PKD1L3: variants seen among roughly 807,000 people sequenced by gnomAD.
The protein encoded by PKD1L3 is polycystin 1 like 3, transient receptor potential channel interacting.
In PKD1L3, 239 loss-of-function variants were observed where a neutral mutation model predicts 184.1. The ratio of observed to expected loss-of-function variants is 1.30; its 90% CI spans 1.17 to 1.45. PKD1L3 has a LOEUF of 1.45. Among genes scored for constraint, PKD1L3 ranks in the 40% most tolerant of loss-of-function variants. The probability of loss-of-function intolerance (pLI) is 0.00; values close to 1 mark genes in which losing one functional copy is unlikely to be tolerated. For synonymous variants in PKD1L3, 996 were observed against 778.8 expected (o/e 1.28, Z -4.64); for missense variants, 2,660 against 2,067.2 (o/e 1.29, Z -5.56).
intron 6 of PKD1L3, among the ~76,000 whole-genome samples, chr16:71,983,641 G>A (rs1449556648): frequency 1.4e-5 from 2 of 142,364 alleles, no homozygotes; most frequent in African/African-American, 5.2e-5. Flanking sequence ...TTGGCATAAG[G>A]CACAATCTCC....
chr16:71,945,339 CACAT>C (rs1179169871), intron 22 of PKD1L3, among the ~76,000 whole-genome samples: 8 of 109,690 alleles, frequency 7.3e-5, no homozygotes, highest in South Asian at 6.9e-4. Context: ...CACACACACA[CACAT>C]ATATTTATAT....
Position 71,930,188 on chromosome 16 carries a change from G to A in PKD1L3, c.4927-5C>T, listed in dbSNP as rs567190457. The A allele has an allele frequency of 1.0e-5, 16 of 1,539,026 alleles. No individual in the cohort carries two copies. In the South Asian group the frequency reaches 1.7e-4, roughly 16 times the overall value. On this transcript the variant is annotated splice_polypyrimidine_tract_variant and splice_region_variant and intron_variant, in intron 28 of 29. Coordinates refer to ENST00000620267, the MANE Select transcript of PKD1L3 (RefSeq NM_181536.2). Reference sequence around the variant, plus strand: ...GACTGGGTCTAAAGCGAAAACCTGGGAAAACAATAAGAACACTTGCAGTGA... The same window carrying A: ...GACTGGGTCTAAAGCGAAAACCTGGAAAAACAATAAGAACACTTGCAGTGA...
intron 2 of PKD1L3, among the ~76,000 whole-genome samples, chr16:71,995,750 C>G (rs1434515079): frequency 6.6e-6 from 1 of 152,114 alleles, no homozygotes; most frequent in African/African-American, 2.4e-5. Context: ...GGATAGATTC[C>G]TAGCAGTGGA....
Position 71,998,276 on chromosome 16 carries a change from C to T in PKD1L3, c.414G>A (p.Gln138=). Residue 138 remains glutamine (Q), a synonymous_variant, in exon 2 of 30, where the codon CAG becomes CAA. Transcript: ENST00000620267. The part of the protein sequence containing the change: ...KCLLKYYFIC[Q]TGDFLDGDAH... ...GCATGTAGCTTTATCACTTACCAGT[C>T]TGGCAAATGAAATAGTATTTCAGTA... 1 of 1,551,948 alleles carries T rather than the reference C, an allele frequency of 6.4e-7. No homozygotes were observed. Among genetic ancestry groups the T allele is most frequent in the Non-Finnish European group, 8.7e-7 (1 of 1,147,022 alleles).
chr16:71,995,323 A>C (rs1231440607), intron 2 of PKD1L3, among the ~76,000 whole-genome samples: 1 of 152,228 alleles, frequency 6.6e-6, no homozygotes, highest in Non-Finnish European at 1.5e-5. Flanking sequence ...CTGTTTTGGA[A>C]GGGGCACATT....
intron 3 of PKD1L3, among the ~76,000 whole-genome samples, chr16:71,993,015 A>G (rs1171462941): frequency 6.6e-6 from 1 of 152,230 alleles, no homozygotes; most frequent in Non-Finnish European, 1.5e-5. Context: ...ATATATGAAA[A>G]GACGGCGGCC....
chr16:71,964,146 A>G (rs1196062167), intron 15 of PKD1L3, among the ~76,000 whole-genome samples: 2 of 151,874 alleles, frequency 1.3e-5, no homozygotes, highest in East Asian at 3.9e-4. Flanking sequence ...TTCTCTGCTA[A>G]CTTCAGCCGT....
In PKD1L3 at chr16:71,954,153, C is replaced by T. The variant is rs1388093740; in HGVS notation, c.2761G>A (p.Val921Ile). The T allele has an allele frequency of 1.3e-6, 2 of 1,550,670 alleles. No homozygotes were observed. Among genetic ancestry groups the T allele is most frequent in the East Asian group, 2.5e-5 (1 of 40,786 alleles). ...GTGCTGTTTATCTTCCAGAACATAACATTGATGACCATGTTGCAGAGTAGC... is the reference window on the plus strand; with the variant it reads ...GTGCTGTTTATCTTCCAGAACATAATATTGATGACCATGTTGCAGAGTAGC... The part of the protein sequence containing the change: ...TLLLCNMVIN[V>I]MFWKINSTTA... Residue 921 changes from valine to isoleucine, a missense_variant, in exon 17 of 30, where the codon GTT (valine) becomes ATT (isoleucine). Val to Ile is a conservative substitution (Grantham distance 29). Transcript: ENST00000620267.
chr16:71,945,295 TATATATATATACAC>T (rs1420558170), intron 22 of PKD1L3, among the ~76,000 whole-genome samples: 3 of 68,346 alleles, frequency 4.4e-5, no homozygotes, highest in African/African-American at 2.0e-4. Flanking sequence ...TATATATATA[TATATATATATACAC>T]ACACACACAC....
chr16:71,933,776 T>TA lies in PKD1L3; in HGVS notation c.4824+138dup. 4.3e-6 allele frequency: 4 copies of TA among 921,148 alleles called. No individual in the cohort carries two copies. In the South Asian group the frequency reaches 6.6e-5, roughly 15 times the overall value. The allele number at this position is 921,148 out of a possible 1,614,324, so 57.1% of individuals were successfully genotyped here. A position where few individuals can be genotyped will look rare whatever the true frequency, so the allele number is the denominator to read the frequency against. Reference sequence around the variant, plus strand: ...ATATGTGGGTTTAAGTCATACCAGTTAAGTGTGGAACTAGATCTAAACCCG... The same window carrying TA: ...ATATGTGGGTTTAAGTCATACCAGTTAAAGTGTGGAACTAGATCTAAACCCG... On this transcript the variant is annotated intron_variant, in intron 27 of 29. Coordinates refer to ENST00000620267, the MANE Select transcript of PKD1L3 (RefSeq NM_181536.2).
intron 14 of PKD1L3, among the ~76,000 whole-genome samples, chr16:71,967,636 T>C (rs1311136917): frequency 6.6e-6 from 1 of 152,176 alleles, no homozygotes; most frequent in Non-Finnish European, 1.5e-5. Flanking sequence ...AGCTAATTTC[T>C]GCATTTTTAG....
chr16:71,984,212 C>T, intron 5 of PKD1L3, 45 bp from the exon 6 acceptor site: 1 of 1,532,708 alleles, frequency 6.5e-7, no homozygotes, highest in Non-Finnish European at 8.8e-7. Context: ...TACAAAATTA[C>T]TGTACTGTAG....
chr16:71,976,523 C>A (rs931261738), intron 11 of PKD1L3, among the ~76,000 whole-genome samples: 1 of 152,044 alleles, frequency 6.6e-6, no homozygotes, highest in African/African-American at 2.4e-5. Flanking sequence ...TCCCAAAGTG[C>A]TGGGGTTACA....
At chr16:71,964,455 C>T (rs1055617885) in intron 15 of PKD1L3, among the ~76,000 whole-genome samples, 1 of 150,394 alleles carries the variant, frequency 6.6e-6, no homozygotes, top group Non-Finnish European at 1.5e-5. Context: ...TCTCCTGCCT[C>T]AGCCTCCCAA....
Position 71,934,062 on chromosome 16 carries a change from C to T in PKD1L3, c.4677G>A (p.Pro1559=), listed in dbSNP as rs370227080. 539 of 1,551,906 alleles carry T rather than the reference C, an allele frequency of 3.5e-4. 2 individuals are homozygous for T. The African/African-American group carries it at 6.2e-3, about 18-fold the overall frequency. ...ATAACTGAACAGTTGCCAGGAGAAC[C>T]GGGAAGCCCACAAGGTGAGTCGCAG... ...NSAATHLVGF[P]VLLATVQLWN... Residue 1559 remains proline (P), a synonymous_variant, in exon 27 of 30, where the codon CCG becomes CCA. Coordinates refer to ENST00000620267, the MANE Select transcript of PKD1L3 (RefSeq NM_181536.2).
chr16:71,969,664 T>A (rs1226928235), intron 13 of PKD1L3, among the ~76,000 whole-genome samples: 1 of 150,380 alleles, frequency 6.6e-6, no homozygotes, highest in Non-Finnish European at 1.5e-5. Flanking sequence ...CAAGGTCCAA[T>A]CTTGGAACCA....
At chr16:71,969,720 C>T (rs1239717133) in intron 13 of PKD1L3, among the ~76,000 whole-genome samples, 155 bp downstream of exon 13, 2 of 152,130 alleles carry the variant, frequency 1.3e-5, no homozygotes, top group Non-Finnish European at 2.9e-5. Flanking sequence ...CTTGAGTCAG[C>T]AGACACGAAG....
At position 71,929,696 on chromosome 16, in the gene PKD1L3, AAAGAG is replaced by A. The variant is rs774232060; in HGVS notation, c.5059-23_5059-19del. 14 of 1,514,340 alleles carry A rather than the reference AAAGAG, an allele frequency of 9.2e-6. No homozygotes were observed. In the Admixed American group the frequency reaches 2.2e-4, roughly 24 times the overall value. 93.8% of individuals were successfully genotyped at this position (1,514,340 alleles called of 1,614,324 possible). A position where few individuals can be genotyped will look rare whatever the true frequency, so the allele number is the denominator to read the frequency against. On this transcript the variant is annotated intron_variant, in intron 29 of 29. Transcript: ENST00000620267. ...GCTTCTTTCTGAGTATTGAAGACAA[AAAGAG>A]AAAAGTGAGAAAATTGAAATTACTG...
At chr16:71,968,746 C>A (rs774284663) in intron 13 of PKD1L3, among the ~76,000 whole-genome samples, 53 of 152,140 alleles carry the variant, frequency 3.5e-4, no homozygotes, top group South Asian at 1.0e-3. Flanking sequence ...CAGACATGCA[C>A]CACCACAGCC....
Sources: allele counts gnomAD v4.1 joint callset (sites outside exome capture counted in the v4.1 genomes callset), GRCh38; gene constraint gnomAD v4.1.1; transcripts MANE v1.5; gene names NCBI Gene and HGNC (gene_info 2026-07-23, HGNC 2026-07-21).